SCARA3: variants seen among roughly 807,000 people sequenced by gnomAD.
SCARA3 encodes the protein cellular stress response gene protein.
Under a neutral mutation model 47.0 loss-of-function variants are expected in SCARA3, and 39 were observed. That is an observed-to-expected ratio of 0.83 (90% CI 0.64 to 1.08). The LOEUF is 1.08. Ranked by LOEUF, SCARA3 falls within the 50% of genes least tolerant of loss-of-function variation. SCARA3 has a pLI of 0.00. For synonymous variants in SCARA3, 356 were observed against 334.1 expected (o/e 1.07, Z -0.71); for missense variants, 724 against 792.3 (o/e 0.91, Z 1.04).
At chr8:27,661,374 T>C (rs1432331376) in intron 5 of SCARA3, among the ~76,000 whole-genome samples, 5 of 152,064 alleles carry the variant, frequency 3.3e-5, no homozygotes. Flanking sequence ...TGAAGAGGAG[T>C]TAAAGTCCTT....
chr8:27,660,151 C>T (rs1425403911), intron 5 of SCARA3, among the ~76,000 whole-genome samples: 1 of 152,074 alleles, frequency 6.6e-6, no homozygotes, highest in Admixed American at 6.6e-5. Context: ...CTCTCATCCC[C>T]CTCATGTCTT....
the SCARA3 span, among the ~76,000 whole-genome samples, chr8:27,715,824 T>TGATAGATAGATAGATA: frequency 1.0e-3 from 120 of 118,960 alleles, no homozygotes; most frequent in Middle Eastern, 0.01. The surrounding 1 kb of genome is among the most constrained non-coding windows in gnomAD (Gnocchi z 4.2). Context: ...GATAGATAGA[T>TGATAGATAGATAGATA]GATAGATAGA....
chr8:27,642,040 A>C (rs997696016), intron 1 of SCARA3, among the ~76,000 whole-genome samples: 6 of 152,236 alleles, frequency 3.9e-5, no homozygotes, highest in Non-Finnish European at 1.5e-5. Flanking sequence ...ACACAGATTT[A>C]AATGGGCTTA....
chr8:27,711,364 A>G, the SCARA3 span, among the ~76,000 whole-genome samples: 1 of 152,282 alleles, frequency 6.6e-6, no homozygotes, highest in African/African-American at 2.4e-5. Flanking sequence ...AAGCATTTCA[A>G]TCCATTGCAC....
chr8:27,731,109 T>G, the SCARA3 span, among the ~76,000 whole-genome samples: 1 of 149,424 alleles, frequency 6.7e-6, no homozygotes, highest in Admixed American at 6.6e-5. Context: ...TTCTTTTTTT[T>G]TTTTTAAATA....
At chr8:27,716,349 G>A in the SCARA3 span, among the ~76,000 whole-genome samples, 1 of 151,580 alleles carries the variant, frequency 6.6e-6, no homozygotes, top group Non-Finnish European at 1.5e-5. Context: ...AAAGAACCAG[G>A]AATCTATGAA....
the SCARA3 span, among the ~76,000 whole-genome samples, chr8:27,698,685 T>C: frequency 6.6e-6 from 1 of 152,048 alleles, no homozygotes; most frequent in South Asian, 2.1e-4. Flanking sequence ...AAGGCCAATA[T>C]ACAAAAACCC....
At chr8:27,731,248 C>G in the SCARA3 span, among the ~76,000 whole-genome samples, 3 of 151,378 alleles carry the variant, frequency 2.0e-5, no homozygotes, top group African/African-American at 7.3e-5. Context: ...TATAGGAATG[C>G]CTAGCTAATT....
intron 5 of SCARA3, among the ~76,000 whole-genome samples, chr8:27,666,886 C>A (rs1344819777): frequency 1.3e-5 from 2 of 152,098 alleles, no homozygotes; most frequent in Non-Finnish European, 2.9e-5. Flanking sequence ...GTGAGGTCAG[C>A]TGTGGCTGGA....
At chr8:27,717,925 T>C in the SCARA3 span, among the ~76,000 whole-genome samples, 2 of 152,288 alleles carry the variant, frequency 1.3e-5, no homozygotes, top group African/African-American at 2.4e-5. Context: ...ACCTTCCTTG[T>C]TGTTCTCATT....
chr8:27,670,615 A>C lies in SCARA3; in HGVS notation c.1370-285A>C, dbSNP rs563381028. Among the ~76,000 whole-genome samples the C allele has an allele frequency of 2.0e-5, 3 of 152,316 alleles. No individual in the cohort carries two copies. The East Asian group carries it at 5.8e-4, about 29-fold the overall frequency. ...AGGTACAGGAGGTCAGACTGGCCTC[A>C]GAGCAGGACAGGCAATCCTGGACAA... On this transcript the variant is annotated intron_variant, in intron 5 of 5. Coordinates refer to ENST00000301904, the MANE Select transcript of SCARA3 (RefSeq NM_016240.3).
chr8:27,644,934 C>G (rs535320875), intron 1 of SCARA3, among the ~76,000 whole-genome samples: 1 of 152,148 alleles, frequency 6.6e-6, no homozygotes, highest in Non-Finnish European at 1.5e-5. Context: ...CACGACCCCC[C>G]CAAACAAGAA....
Position 27,659,522 on chromosome 8 carries a change from A to G in SCARA3, c.1352A>G (p.Asn451Ser). 6.2e-7 allele frequency: 1 copy of G among 1,609,584 alleles called. No homozygotes were observed. Among genetic ancestry groups the G allele is most frequent in the South Asian group, 1.1e-5 (1 of 90,660 alleles). Residue 451 changes from asparagine to serine, a missense_variant, in exon 5 of 6, where the codon AAT becomes AGT. By Grantham distance (46) the Asn-to-Ser change is conservative. Transcript: ENST00000301904. ...ACACAGCATGGAGAAATCCTTCGCA[A>G]TGTCACCATCCTACGAGGTAAGAGC... ...VDTQHGEILR[N>S]VTILRGAPGP...
At chr8:27,653,473 G>T (rs747463057) in intron 3 of SCARA3, among the ~76,000 whole-genome samples, 3 of 152,086 alleles carry the variant, frequency 2.0e-5, no homozygotes, top group Non-Finnish European at 2.9e-5. Context: ...CTCCAGCTTG[G>T]GTATCCCAAG....
chr8:27,669,467 C>A (rs1802096259), intron 5 of SCARA3, among the ~76,000 whole-genome samples: 2 of 152,222 alleles, frequency 1.3e-5, no homozygotes, highest in South Asian at 2.1e-4. Flanking sequence ...TCAGCCTGGG[C>A]CCCTGGCACT....
rs1802176760 is a variant in SCARA3 at position 27,671,934 on chromosome 8, G to A, written c.*583G>A. On this transcript the variant is annotated 3_prime_UTR_variant, in exon 6 of 6. Transcript: ENST00000301904. ...CTCCTGTGACTGAGCCTGCCAGGGA[G>A]GCAGCTACCTCGGGAGGAAGGTCTC... The A allele has an allele frequency of 9.1e-6, 9 of 985,338 alleles. No homozygotes were observed. Among genetic ancestry groups the A allele is most frequent in the Non-Finnish European group, 1.1e-5 (9 of 829,958 alleles). 61.0% of individuals were successfully genotyped at this position (985,338 alleles called of 1,614,324 possible).
Position 27,658,671 on chromosome 8 carries a change from C to T in SCARA3, c.501C>T (p.Ile167=). Residue 167 remains isoleucine (I), a synonymous_variant, in exon 5 of 6, where the codon ATC becomes ATT. Transcript: ENST00000301904. ...TGCTCTCCACCACCAGCAGACAAAT[C>T]TCCCAGGAGATGGGCAGTTGCTCCT... ...QEVLSTTSRQ[I]SQEMGSCSFS... is the part of the protein sequence containing the mutation. 2 of 1,614,092 alleles carry T rather than the reference C, an allele frequency of 1.2e-6. No individual in the cohort carries two copies. The highest frequency in any genetic ancestry group is 1.7e-6 in the Non-Finnish European group (2 of 1,179,994).
chr8:27,634,240 G>A (rs2128913110), intron 1 of SCARA3, 33 bp downstream of exon 1: 1 of 1,336,338 alleles, frequency 7.5e-7, no homozygotes. Context: ...AGCTCCGAGG[G>A]GGGCCGCCTG....
chr8:27,644,411 A>T (rs1182001362), intron 1 of SCARA3, among the ~76,000 whole-genome samples: 1 of 152,092 alleles, frequency 6.6e-6, no homozygotes, highest in African/African-American at 2.4e-5. Flanking sequence ...GGGCCTTGGG[A>T]TCAGAGCAGG....
Sources: allele counts gnomAD v4.1 joint callset (sites outside exome capture counted in the v4.1 genomes callset), GRCh38; gene constraint gnomAD v4.1.1; non-coding constraint Gnocchi (gnomAD v3.1); transcripts MANE v1.5; gene names NCBI Gene and HGNC (gene_info 2026-07-23, HGNC 2026-07-21).